Variants in ANKRD46 observed in about 807,000 individuals in gnomAD.
ANKRD46 encodes the protein ankyrin repeat domain-containing protein 46.
In ANKRD46, 13 loss-of-function variants were observed where a neutral mutation model predicts 19.8. That is an observed-to-expected ratio of 0.66 (90% CI 0.43 to 1.04). The LOEUF (loss-of-function observed/expected upper bound fraction) is 1.04. Ranked by LOEUF, ANKRD46 falls within the 50% of genes least tolerant of loss-of-function variation. The probability of loss-of-function intolerance (pLI) is 0.00; values close to 1 mark genes in which losing one functional copy is unlikely to be tolerated. For synonymous variants in ANKRD46, 91 were observed against 106.9 expected (o/e 0.85, Z 0.92); for missense variants, 185 against 274.8 (o/e 0.67, Z 2.31).
chr8:100,550,196 C>T lies in ANKRD46; in HGVS notation c.-131+9515G>A, dbSNP rs1030581798. 6.6e-6 allele frequency among the ~76,000 whole-genome samples: 1 copy of T among 152,150 alleles called. No individual in the cohort carries two copies. The highest frequency in any genetic ancestry group is 1.5e-5 in the Non-Finnish European group (1 of 68,030). ...GGGTAAATACCAAGGAGCATGATTG[C>T]TGGATGGTAAGAGTATGTTTAGTTT... On this transcript the variant is annotated intron_variant, in intron 1 of 4. Coordinates refer to ENST00000335659, the MANE Select transcript of ANKRD46 (RefSeq NM_001270377.2). The surrounding 1 kb of genome is among the most constrained non-coding windows in gnomAD (Gnocchi z 4.4).
Position 100,525,378 on chromosome 8 carries a change from G to A in ANKRD46, c.470+2467C>T, listed in dbSNP as rs899373467. ...CAGTACACTTTCAGCACCTCTATAA[G>A]AAACTCTGTACCTATTAGCAGTCAC... On this transcript the variant is annotated intron_variant, in intron 4 of 4. Coordinates refer to ENST00000335659, the MANE Select transcript of ANKRD46 (RefSeq NM_001270377.2). This position sits in a 1 kb window ranked among gnomAD's most constrained non-coding sequence, Gnocchi z 4.4. Among the ~76,000 whole-genome samples, 30 of 152,044 alleles carry A rather than the reference G, an allele frequency of 2.0e-4. No homozygotes were observed. Among genetic ancestry groups the A allele is most frequent in the African/African-American group, 7.2e-4 (30 of 41,392 alleles).
At chr8:100,540,380 C>A (rs192089003) in intron 1 of ANKRD46, among the ~76,000 whole-genome samples, 2 of 152,284 alleles carry the variant, frequency 1.3e-5, no homozygotes, top group Non-Finnish European at 2.9e-5. Context: ...CTGGAAATGT[C>A]TTTTACTTCA....
At position 100,522,183 on chromosome 8, in the gene ANKRD46, C is replaced by T; in HGVS notation, c.*372G>A. ...CAACAAAAACTAATCATATAAGATACTGTTTTTCTTTTTGAATACTTCAAT... is the reference window on the plus strand; with the variant it reads ...CAACAAAAACTAATCATATAAGATATTGTTTTTCTTTTTGAATACTTCAAT... On this transcript the variant is annotated 3_prime_UTR_variant, in exon 5 of 5. Transcript: ENST00000335659. 1 of 1,004,262 alleles carries T rather than the reference C, an allele frequency of 1.0e-6. No homozygotes were observed. Among genetic ancestry groups the T allele is most frequent in the South Asian group, 4.4e-5 (1 of 22,854 alleles). 62.2% of individuals were successfully genotyped at this position (1,004,262 alleles called of 1,614,324 possible). A position where few individuals can be genotyped will look rare whatever the true frequency, so the allele number is the denominator to read the frequency against.
intron 1 of ANKRD46, among the ~76,000 whole-genome samples, chr8:100,548,770 TAACTA>T (rs1185768473): frequency 6.6e-6 from 1 of 152,108 alleles, no homozygotes; most frequent in East Asian, 1.9e-4. Flanking sequence ...ACAAAAAATA[TAACTA>T]AACTAAAAAT....
Position 100,522,864 on chromosome 8 carries a change from TACACACACACACACAC to T in ANKRD46, c.471-109_471-94del, listed in dbSNP as rs199938933. 460 of 594,260 alleles carry T rather than the reference TACACACACACACACAC, an allele frequency of 7.7e-4. 1 individual carries two copies. In the East Asian group the frequency reaches 0.014, roughly 18 times the overall value. The allele number at this position is 594,260 out of a possible 1,614,324, so 36.8% of individuals were successfully genotyped here. On this transcript the variant is annotated intron_variant, in intron 4 of 4. Transcript: ENST00000335659. ...GGGCTACTATTTAGAAAAGACCAAA[TACACACACACACACAC>T]ACACACACACACACACACACACACA...
rs1811870375 is a variant in ANKRD46 at position 100,527,763 on chromosome 8, G to C, written c.470+82C>G. The C allele has an allele frequency of 2.1e-6, 3 of 1,445,114 alleles. No individual in the cohort carries two copies. Among genetic ancestry groups the C allele is most frequent in the Non-Finnish European group, 1.9e-6 (2 of 1,079,378 alleles). 89.5% of individuals were successfully genotyped at this position (1,445,114 alleles called of 1,614,324 possible). A position where few individuals can be genotyped will look rare whatever the true frequency, so the allele number is the denominator to read the frequency against. ...GCCTATAGTCCCAGCTAGTCAGGAG[G>C]CTGAGGCAGGAAGAATGCTTGAGCC... On this transcript the variant is annotated intron_variant, in intron 4 of 4. Coordinates refer to ENST00000335659, the MANE Select transcript of ANKRD46 (RefSeq NM_001270377.2). The surrounding 1 kb of genome is among the most constrained non-coding windows in gnomAD (Gnocchi z 4.0).
chr8:100,551,550 AT>A lies in ANKRD46; in HGVS notation c.-131+8160del, dbSNP rs1812390636. 5.3e-5 allele frequency: 42 copies of A among 788,918 alleles called. 1 individual carries two copies. The South Asian group carries it at 5.4e-4, about 10-fold the overall frequency. The allele number at this position is 788,918 out of a possible 1,614,324, so 48.9% of individuals were successfully genotyped here. On this transcript the variant is annotated intron_variant, in intron 1 of 4. Transcript: ENST00000335659. Reference sequence around the variant, plus strand: ...TTCTCAGCCTTGACGGTGTGGTGGAATTTGCCATGGGTAGAAATACTGGAAC... The same window carrying A: ...TTCTCAGCCTTGACGGTGTGGTGGAATTGCCATGGGTAGAAATACTGGAAC...
chr8:100,545,135 G>T lies in ANKRD46; in HGVS notation c.-130-11824C>A, dbSNP rs186261756. Among the ~76,000 whole-genome samples, 64 of 152,194 alleles carry T rather than the reference G, an allele frequency of 4.2e-4. No homozygotes were observed. The East Asian group carries it at 7.5e-3, about 18-fold the overall frequency. On this transcript the variant is annotated intron_variant, in intron 1 of 4. Transcript: ENST00000335659. The surrounding 1 kb of genome is among the most constrained non-coding windows in gnomAD (Gnocchi z 4.7). Reference sequence around the variant, plus strand: ...AGCCCAGGCATTCGAGACAAGCCTGGGCAACACAGTGAGACCTTGTCTCTA... The same window carrying T: ...AGCCCAGGCATTCGAGACAAGCCTGTGCAACACAGTGAGACCTTGTCTCTA...
At position 100,543,549 on chromosome 8, in the gene ANKRD46, T is replaced by C. The variant is rs1340550701; in HGVS notation, c.-130-10238A>G. On this transcript the variant is annotated intron_variant, in intron 1 of 4. Coordinates refer to ENST00000335659, the MANE Select transcript of ANKRD46 (RefSeq NM_001270377.2). The surrounding 1 kb of genome is among the most constrained non-coding windows in gnomAD (Gnocchi z 4.2). ...CAGTGTTAAACAAAGATAATTATGA[T>C]TTAAAAATTATTCTTTAAAATGCTG... Among the ~76,000 whole-genome samples, 2 of 152,208 alleles carry C rather than the reference T, an allele frequency of 1.3e-5. No individual in the cohort carries two copies. Among genetic ancestry groups the C allele is most frequent in the African/African-American group, 2.4e-5 (1 of 41,458 alleles).
Position 100,545,030 on chromosome 8 carries a change from C to T in ANKRD46, c.-130-11719G>A, listed in dbSNP as rs1045678813. ...CATGGCCTTAATATCATATCTAAAA[C>T]CAGCACTCCAGAGGCTGGGTGTGCT... On this transcript the variant is annotated intron_variant, in intron 1 of 4. Transcript: ENST00000335659. This position sits in a 1 kb window ranked among gnomAD's most constrained non-coding sequence, Gnocchi z 4.7. 6.6e-6 allele frequency among the ~76,000 whole-genome samples: 1 copy of T among 152,114 alleles called. No individual in the cohort carries two copies. Among genetic ancestry groups the T allele is most frequent in the African/African-American group, 2.4e-5 (1 of 41,400 alleles).
At position 100,510,663 on chromosome 8, in the gene ANKRD46, TAAA is replaced by T. The variant is rs752453421; in HGVS notation, c.637-27_637-25del. 70 of 1,284,140 alleles carry T rather than the reference TAAA, an allele frequency of 5.5e-5. No homozygotes were observed. Among genetic ancestry groups the T allele is most frequent in the South Asian group, 1.6e-4 (11 of 68,968 alleles). The allele number at this position is 1,284,140 out of a possible 1,614,324, so 79.5% of individuals were successfully genotyped here. A position where few individuals can be genotyped will look rare whatever the true frequency, so the allele number is the denominator to read the frequency against. On this transcript the variant is annotated intron_variant, in intron 5 of 5. Transcript: ENST00000520552. This position sits in a 1 kb window ranked among gnomAD's most constrained non-coding sequence, Gnocchi z 4.9. ...CTCTGTAAATGTGGGGAAGACAGAT[TAAA>T]AAAAAAAAAAAATCCCAGTTCTGTT... is the stretch of plus-strand genomic sequence containing the variant.
chr8:100,543,995 A>C lies in ANKRD46; in HGVS notation c.-130-10684T>G, dbSNP rs1432480546. Among the ~76,000 whole-genome samples, 1 of 152,228 alleles carries C rather than the reference A, an allele frequency of 6.6e-6. No homozygotes were observed. The highest frequency in any genetic ancestry group is 1.5e-5 in the Non-Finnish European group (1 of 68,042). On this transcript the variant is annotated intron_variant, in intron 1 of 4. Transcript: ENST00000335659. The surrounding 1 kb of genome is among the most constrained non-coding windows in gnomAD (Gnocchi z 4.2). Reference sequence around the variant, plus strand: ...TTAACCCAAGAGTTCTTAATGTCAAAGACCTTTATGTCCACATCACTTCCA... The same window carrying C: ...TTAACCCAAGAGTTCTTAATGTCAACGACCTTTATGTCCACATCACTTCCA...
intron 1 of ANKRD46, among the ~76,000 whole-genome samples, chr8:100,558,446 T>TAACAAC (rs1189143265): frequency 6.6e-6 from 1 of 152,210 alleles, no homozygotes; most frequent in Non-Finnish European, 1.5e-5. Flanking sequence ...TAAAGTGTGT[T>TAACAAC]AACAACCAAA....
chr8:100,538,869 A>G (rs1366245685), intron 1 of ANKRD46, among the ~76,000 whole-genome samples: 1 of 152,218 alleles, frequency 6.6e-6, no homozygotes, highest in Non-Finnish European at 1.5e-5. Context: ...TGCTGTTAAA[A>G]GAAACTGGAT....
intron 1 of ANKRD46, among the ~76,000 whole-genome samples, chr8:100,555,262 TA>T (rs144004497): frequency 5.7e-5 from 8 of 141,248 alleles, no homozygotes; most frequent in African/African-American, 1.0e-4. Flanking sequence ...TTTTAAAGGA[TA>T]AAAAAAAAAC....
chr8:100,547,743 G>A (rs372208337), intron 1 of ANKRD46, among the ~76,000 whole-genome samples: 19 of 152,178 alleles, frequency 1.2e-4, no homozygotes, highest in South Asian at 4.1e-4. Context: ...AATCCTTGAT[G>A]CTTTCTTTTC....
rs986015966 is a variant in ANKRD46, at chr8:100,544,326, A to G, written c.-130-11015T>C. Among the ~76,000 whole-genome samples, 12 of 152,204 alleles carry G rather than the reference A, an allele frequency of 7.9e-5. No homozygotes were observed. The highest frequency in any genetic ancestry group is 5.2e-4 in the Admixed American group (8 of 15,284). Reference sequence around the variant, plus strand: ...ATAAAGAAGCAAGGACAAAGAACATAAGCCTAAAGTTGGGGAGGGGCCTAG... The same window carrying G: ...ATAAAGAAGCAAGGACAAAGAACATGAGCCTAAAGTTGGGGAGGGGCCTAG... On this transcript the variant is annotated intron_variant, in intron 1 of 4. Coordinates refer to ENST00000335659, the MANE Select transcript of ANKRD46 (RefSeq NM_001270377.2). This position sits in a 1 kb window ranked among gnomAD's most constrained non-coding sequence, Gnocchi z 4.4.
chr8:100,551,596 G>T, intron 1 of ANKRD46: 1 of 735,314 alleles, frequency 1.4e-6, no homozygotes, highest in Non-Finnish European at 2.4e-6. Context: ...ATGTAGTTGA[G>T]GTCAATGAAG....
At chr8:100,558,081 T>C (rs1053202929) in intron 1 of ANKRD46, among the ~76,000 whole-genome samples, 1 of 152,224 alleles carries the variant, frequency 6.6e-6, no homozygotes, top group African/African-American at 2.4e-5. Flanking sequence ...GCACTCAATA[T>C]ACGCTTGCTA....
Sources: allele counts gnomAD v4.1 joint callset (sites outside exome capture counted in the v4.1 genomes callset), GRCh38; gene constraint gnomAD v4.1.1; non-coding constraint Gnocchi (gnomAD v3.1); transcripts MANE v1.5; gene names NCBI Gene and HGNC (gene_info 2026-07-23, HGNC 2026-07-21).